Variants in CRB1 observed in about 807,000 individuals in gnomAD.
CRB1 encodes protein crumbs homolog 1.
In CRB1, 83 loss-of-function variants were observed where a neutral mutation model predicts 120.0. That is an observed-to-expected ratio of 0.69 (90% confidence interval 0.58 to 0.83). CRB1 has a LOEUF of 0.83. Ranked by LOEUF, CRB1 falls within the 40% of genes least tolerant of loss-of-function variation. The pLI, the probability that CRB1 is intolerant of heterozygous loss-of-function variation, is 0.00. For missense variants in CRB1, 1,699 were observed against 1,687.6 expected, an observed-to-expected ratio of 1.01 and a Z score of -0.12; for synonymous variants, 625 against 612.5, an observed-to-expected ratio of 1.02 and a Z score of -0.30.
intron 11 of CRB1, chr1:197,442,748 C>G (rs1024829075): frequency 3.6e-6 from 1 of 276,202 alleles, no homozygotes; most frequent in African/African-American, 2.3e-5. Flanking sequence ...TGGGTATTTT[C>G]ACATTTTAAG....
the CRB1 span, among the ~76,000 whole-genome samples, chr1:197,231,862 G>A: frequency 1.4e-4 from 22 of 152,098 alleles, no homozygotes; most frequent in Admixed American, 8.5e-4. Context: ...TTTGTAGTAG[G>A]CTGAATAGTG....
rs1038911942 is a variant in CRB1 at position 197,478,348 on chromosome 1, G to A, written c.*469G>A. On this transcript the variant is annotated 3_prime_UTR_variant, in exon 12 of 12. Coordinates refer to ENST00000367400, the MANE Select transcript of CRB1 (RefSeq NM_201253.3). ...GTCAAAGTTATTGTTGTATACCAGC[G>A]ATGGGATGTATACTTTTGTCCTTCA... 5.4e-5 allele frequency: 11 copies of A among 204,856 alleles called. No homozygotes were observed. The highest frequency in any genetic ancestry group is 2.3e-4 in the African/African-American group (10 of 42,572). The allele number at this position is 204,856 out of a possible 1,614,324, so 12.7% of individuals were successfully genotyped here.
the CRB1 span, among the ~76,000 whole-genome samples, chr1:197,213,338 A>C: frequency 1.3e-5 from 2 of 152,298 alleles, no homozygotes; most frequent in East Asian, 3.9e-4. Flanking sequence ...TGCAAGAAGA[A>C]AGAGTCACAA....
chr1:197,253,759 AT>A, the CRB1 span, among the ~76,000 whole-genome samples: 3 of 152,016 alleles, frequency 2.0e-5, no homozygotes, highest in African/African-American at 7.2e-5. Context: ...TTTGTTTTGA[AT>A]TTTTTTCTTA....
At chr1:197,215,088 G>C in the CRB1 span, among the ~76,000 whole-genome samples, 1 of 152,058 alleles carries the variant, frequency 6.6e-6, no homozygotes, top group East Asian at 1.9e-4. Flanking sequence ...TTTCAATAGA[G>C]GCAGAAGAAG....
At chr1:197,373,349 T>A (rs973017230) in intron 5 of CRB1, among the ~76,000 whole-genome samples, 72 of 152,256 alleles carry the variant, frequency 4.7e-4, no homozygotes, top group African/African-American at 1.4e-3. Context: ...AATAAAAGAA[T>A]CCAGGTAGCT....
chr1:197,405,417 G>A (rs552015952), intron 5 of CRB1, among the ~76,000 whole-genome samples: 82 of 151,446 alleles, frequency 5.4e-4, no homozygotes, highest in African/African-American at 1.4e-3. Context: ...GTGTGATCTC[G>A]GCTCGCTACA....
intron 5 of CRB1, among the ~76,000 whole-genome samples, chr1:197,387,279 C>CAATGTAGCTAATGTAGCTA (rs1662265317): frequency 1.3e-5 from 2 of 151,942 alleles, no homozygotes; most frequent in African/African-American, 2.4e-5. Context: ...AAATGTAGCT[C>CAATGTAGCTAATGTAGCTA]AATGTAGCTA....
At chr1:197,283,180 G>T (rs1488997566) in intron 1 of CRB1, among the ~76,000 whole-genome samples, 3 of 151,752 alleles carry the variant, frequency 2.0e-5, no homozygotes, top group African/African-American at 7.2e-5. Context: ...AATTTGTGGT[G>T]TAAAAAATAT....
In CRB1 at chr1:197,367,487, C is replaced by A. The variant is rs544066935; in HGVS notation, c.1171+10474C>A. Among the ~76,000 whole-genome samples, 4 of 152,166 alleles carry A rather than the reference C, an allele frequency of 2.6e-5. No individual in the cohort carries two copies. The East Asian group carries it at 7.7e-4, about 29-fold the overall frequency. The stretch of plus-strand genomic sequence containing the variant: ...ATTCACATTTTGAAGTACAAATCAA[C>A]GTTACTACTGAAACTTTTACAAGGA... On this transcript the variant is annotated intron_variant, in intron 5 of 11. Coordinates refer to ENST00000367400, the MANE Select transcript of CRB1 (RefSeq NM_201253.3).
the CRB1 span, among the ~76,000 whole-genome samples, chr1:197,213,493 A>G: frequency 6.6e-6 from 1 of 152,212 alleles, no homozygotes; most frequent in Non-Finnish European, 1.5e-5. Flanking sequence ...AAGGACCTCA[A>G]AAAAGGAAGG....
intron 1 of CRB1, among the ~76,000 whole-genome samples, chr1:197,277,555 C>T (rs892996958): frequency 1.3e-5 from 2 of 151,930 alleles, no homozygotes; most frequent in African/African-American, 4.8e-5. Context: ...TTAAGCAACA[C>T]CATTGAAATA....
At chr1:197,453,943 TATATTATTG>T (rs1204987163) in intron 11 of CRB1, among the ~76,000 whole-genome samples, 1 of 132,528 alleles carries the variant, frequency 7.5e-6, no homozygotes, top group Non-Finnish European at 1.5e-5. Flanking sequence ...ATTAATAATA[TATATTATTG>T]ATATTATTAT....
At chr1:197,302,325 T>G (rs1421972339) in intron 1 of CRB1, among the ~76,000 whole-genome samples, 1 of 152,206 alleles carries the variant, frequency 6.6e-6, no homozygotes, top group East Asian at 1.9e-4. Context: ...TTTGCAGGCA[T>G]AATGCAATGG....
At position 197,364,788 on chromosome 1, in the gene CRB1, A is replaced by G. The variant is rs142141122; in HGVS notation, c.1171+7775A>G. Among the ~76,000 whole-genome samples the G allele has an allele frequency of 5.2e-3, 788 of 152,080 alleles. 9 individuals are homozygous for G. Among genetic ancestry groups the G allele is most frequent in the African/African-American group, 0.018 (742 of 41,458 alleles). On this transcript the variant is annotated intron_variant, in intron 5 of 11. Coordinates refer to ENST00000367400, the MANE Select transcript of CRB1 (RefSeq NM_201253.3). Reference sequence around the variant, plus strand: ...GATACTTCTGTTTTTTCTTCATCTCAGGAGAATTTGTAATTGCTTTTTAAA... The same window carrying G: ...GATACTTCTGTTTTTTCTTCATCTCGGGAGAATTTGTAATTGCTTTTTAAA...
chr1:197,215,475 C>G, the CRB1 span, among the ~76,000 whole-genome samples: 2 of 151,988 alleles, frequency 1.3e-5, no homozygotes, highest in African/African-American at 4.8e-5. Context: ...CAGGGTTTCT[C>G]CATGTTGGTC....
intron 5 of CRB1, among the ~76,000 whole-genome samples, chr1:197,378,580 T>A (rs574148766): frequency 6.6e-6 from 1 of 152,198 alleles, no homozygotes; most frequent in Non-Finnish European, 1.5e-5. Flanking sequence ...TGCAGCTATA[T>A]AAATTTCAGA....
intron 2 of CRB1, among the ~76,000 whole-genome samples, chr1:197,343,973 G>A (rs931636199): frequency 6.6e-6 from 1 of 152,140 alleles, no homozygotes; most frequent in East Asian, 1.9e-4. Context: ...ACATCGACCA[G>A]CCACTTTTAG....
intron 1 of CRB1, among the ~76,000 whole-genome samples, chr1:197,311,292 A>G (rs1020223460): frequency 3.9e-5 from 6 of 152,228 alleles, no homozygotes; most frequent in Admixed American, 2.0e-4. Context: ...AGAAAGAGAA[A>G]TGCAAATACT....
Sources: gnomAD v4.1 joint callset for allele counts (sites outside exome capture counted in the v4.1 genomes callset) on GRCh38, gnomAD v4.1.1 for gene constraint, MANE v1.5 for transcripts, NCBI Gene and HGNC (gene_info 2026-07-23, HGNC 2026-07-21) for gene names.